The following NCAM2 variants were observed in gnomAD, a reference collection of about 807,000 sequenced individuals.
The protein encoded by NCAM2 is neural cell adhesion molecule 2, also known as N-CAM-2.
In NCAM2, 30 loss-of-function variants were observed where a neutral mutation model predicts 98.1. That is an observed-to-expected ratio of 0.31 (90% confidence interval 0.23 to 0.41). The LOEUF is 0.41. Ranked by LOEUF, NCAM2 falls within the 10% of genes least tolerant of loss-of-function variation. The pLI, the probability that NCAM2 is intolerant of heterozygous loss-of-function variation, is 1.00. For missense variants in NCAM2, 867 were observed against 1,005.8 expected, an observed-to-expected ratio of 0.86 and a Z score of 1.87; for synonymous variants, 368 against 342.4, an observed-to-expected ratio of 1.07 and a Z score of -0.83.
chr21:21,185,798 T>C (rs1015057905), intron 1 of NCAM2, among the ~76,000 whole-genome samples: 1 of 152,144 alleles, frequency 6.6e-6, no homozygotes, highest in East Asian at 1.9e-4. Flanking sequence ...TAATGAGAAA[T>C]AACATCTAAA....
intron 6 of NCAM2, among the ~76,000 whole-genome samples, chr21:21,334,379 A>G (rs980033628): frequency 6.6e-6 from 1 of 152,222 alleles, no homozygotes; most frequent in Non-Finnish European, 1.5e-5. Context: ...TTATGTTCAT[A>G]TATGTGTTAG....
intron 11 of NCAM2, among the ~76,000 whole-genome samples, chr21:21,420,749 A>T (rs2077094252): frequency 6.6e-6 from 1 of 151,972 alleles, no homozygotes; most frequent in Admixed American, 6.6e-5. Flanking sequence ...TAGAGAAGGG[A>T]GAAAAGAGAT....
intron 16 of NCAM2, among the ~76,000 whole-genome samples, chr21:21,517,487 T>C (rs1298311642): frequency 6.6e-6 from 1 of 152,178 alleles, no homozygotes; most frequent in Non-Finnish European, 1.5e-5. Flanking sequence ...GAAAGCTATG[T>C]GTTCTTCTTG....
At chr21:21,200,203 G>A (rs2069158424) in intron 1 of NCAM2, among the ~76,000 whole-genome samples, 1 of 151,980 alleles carries the variant, frequency 6.6e-6, no homozygotes, top group Admixed American at 6.6e-5. Flanking sequence ...TTGACCCCTA[G>A]TAACAATGCC....
chr21:21,491,823 A>C (rs556503208), intron 15 of NCAM2, among the ~76,000 whole-genome samples: 1 of 151,714 alleles, frequency 6.6e-6, no homozygotes, highest in South Asian at 2.1e-4. Context: ...TGAAAATTTT[A>C]ATGCATTTAT....
At chr21:21,498,078 A>G (rs1440537004) in intron 15 of NCAM2, among the ~76,000 whole-genome samples, 1 of 152,098 alleles carries the variant, frequency 6.6e-6, no homozygotes, top group African/African-American at 2.4e-5. Flanking sequence ...ATAAACTTTT[A>G]TAATTTATTT....
chr21:21,143,641 T>C (rs2146665298), intron 1 of NCAM2, among the ~76,000 whole-genome samples: 1 of 152,248 alleles, frequency 6.6e-6, no homozygotes, highest in East Asian at 1.9e-4. Flanking sequence ...TAATATTGTA[T>C]CTTTTTATTT....
chr21:21,055,875 C>T (rs2065200168), intron 1 of NCAM2, among the ~76,000 whole-genome samples: 1 of 152,042 alleles, frequency 6.6e-6, no homozygotes, highest in African/African-American at 2.4e-5. Context: ...CTGGCATAAT[C>T]CATGTTCGGT....
chr21:21,415,878 T>C (rs532378434), intron 10 of NCAM2, among the ~76,000 whole-genome samples: 133 of 152,214 alleles, frequency 8.7e-4, no homozygotes, highest in Non-Finnish European at 1.6e-3. Flanking sequence ...CTTTGTCTTC[T>C]ATCCAGGCCA....
intron 11 of NCAM2, among the ~76,000 whole-genome samples, chr21:21,429,442 C>T (rs2077282758): frequency 6.6e-6 from 1 of 152,152 alleles, no homozygotes; most frequent in African/African-American, 2.4e-5. Flanking sequence ...GACACATGTC[C>T]CCAAACTGGA....
intron 1 of NCAM2, among the ~76,000 whole-genome samples, chr21:21,175,273 G>A (rs1009563143): frequency 3.9e-5 from 6 of 152,064 alleles, no homozygotes; most frequent in African/African-American, 7.2e-5. Flanking sequence ...CGTGGCTCAC[G>A]CCTGTAATTC....
At chr21:21,233,594 G>C (rs1209074456) in intron 1 of NCAM2, among the ~76,000 whole-genome samples, 1 of 151,494 alleles carries the variant, frequency 6.6e-6, no homozygotes, top group African/African-American at 2.4e-5. Context: ...ATTTATTGCT[G>C]TCTGGAAAAT....
At chr21:21,202,592 T>A (rs1443131059) in intron 1 of NCAM2, among the ~76,000 whole-genome samples, 2 of 151,882 alleles carry the variant, frequency 1.3e-5, no homozygotes, top group African/African-American at 4.8e-5. Context: ...AATTTTGCAT[T>A]TTTAGTAGAG....
chr21:21,308,059 G>T (rs34624857), intron 5 of NCAM2, among the ~76,000 whole-genome samples: 1 of 129,120 alleles, frequency 7.7e-6, no homozygotes. Context: ...ACTGTGCTAT[G>T]CATACACACA....
chr21:21,409,704 C>A (rs1459353493), intron 9 of NCAM2, among the ~76,000 whole-genome samples: 1 of 152,090 alleles, frequency 6.6e-6, no homozygotes, highest in Non-Finnish European at 1.5e-5. Context: ...AACTCTGGTT[C>A]TCTTATATTT....
intron 1 of NCAM2, among the ~76,000 whole-genome samples, chr21:21,022,176 A>G (rs952875664): frequency 8.5e-5 from 13 of 152,068 alleles, no homozygotes; most frequent in Admixed American, 1.3e-4. Flanking sequence ...TTAGTTGAAA[A>G]TAAAAGTAAA....
chr21:21,077,192 T>C (rs1429836748), intron 1 of NCAM2, among the ~76,000 whole-genome samples: 1 of 152,208 alleles, frequency 6.6e-6, no homozygotes, highest in African/African-American at 2.4e-5. Flanking sequence ...CCGTCAGAGA[T>C]TATTTATTCT....
At chr21:21,070,148 TAAAGATCAA>T (rs2065529634) in intron 1 of NCAM2, among the ~76,000 whole-genome samples, 2 of 151,942 alleles carry the variant, frequency 1.3e-5, no homozygotes, top group African/African-American at 4.8e-5. Flanking sequence ...GAGAAACTTA[TAAAGATCAA>T]GCTCCAGACA....
In NCAM2 at chr21:21,369,777, C is replaced by T. The variant is rs575195237; in HGVS notation, c.1045-4086C>T. 7.9e-5 allele frequency among the ~76,000 whole-genome samples: 12 copies of T among 151,810 alleles called. No individual in the cohort carries two copies. The South Asian group carries it at 2.1e-3, about 26-fold the overall frequency. On this transcript the variant is annotated intron_variant, in intron 8 of 17. Transcript: ENST00000400546. ...TCTTATTGTAGTCTTGTTTATTTCT[C>T]TAACTCTTTCATATCTTACCCCTTC...
Sources: gnomAD v4.1 joint callset for allele counts (sites outside exome capture counted in the v4.1 genomes callset) on GRCh38, gnomAD v4.1.1 for gene constraint, MANE v1.5 for transcripts, NCBI Gene and HGNC (gene_info 2026-07-23, HGNC 2026-07-21) for gene names.